Variants in ABLIM1 observed in about 807,000 individuals in gnomAD.
The protein encoded by ABLIM1 is actin binding LIM protein 1.
A neutral mutation model predicts 107.0 loss-of-function variants in ABLIM1; 40 were observed. The ratio of observed to expected loss-of-function variants is 0.37; its 90% CI spans 0.29 to 0.49. The LOEUF is 0.49. ABLIM1 is among the 20% of genes least tolerant of loss of function. ABLIM1 has a pLI of 0.97. For synonymous variants in ABLIM1, 357 were observed against 357.3 expected, an observed-to-expected ratio of 1.00 and a Z score of 0.01; for missense variants, 857 against 1,008.5, an observed-to-expected ratio of 0.85 and a Z score of 2.04.
chr10:114,529,939 A>C (rs1357281929), intron 6 of ABLIM1, among the ~76,000 whole-genome samples: 1 of 152,206 alleles, frequency 6.6e-6, no homozygotes, highest in African/African-American at 2.4e-5. Flanking sequence ...AGGCAGGAGA[A>C]TCCCTTGAAC....
Position 114,439,233 on chromosome 10 carries a change from G to C in ABLIM1, c.2085C>G (p.His695Gln), listed in dbSNP as rs1348541399. Residue 695 changes from histidine (H) to glutamine (Q), a missense_variant, in exon 21 of 23, where the codon CAC becomes CAG. Transcript: ENST00000533213. ...VRDYQTLPDG[H>Q]MPAMRMDRGV... The stretch of plus-strand genomic sequence containing the variant: ...CTCGGTCCATTCTCATTGCAGGCAT[G>C]TGGCCATCTGGGAGTGTCTGCAACA... The C allele has an allele frequency of 6.2e-7, 1 of 1,614,248 alleles. No individual in the cohort carries two copies. Among genetic ancestry groups the C allele is most frequent in the South Asian group, 1.1e-5 (1 of 91,086 alleles).
rs148624929 is a variant in ABLIM1, at chr10:114,445,340, C to T, written c.1799G>A (p.Arg600Gln). ...EEDDEELLRR[R>Q]QLQEEQLMKL... ...CATTAATTGCTCTTCTTGAAGCTGC[C>T]GACGTCTCAGAAGTTCCTCATCATC... The change falls in exon 16 of 23, where the codon CGG becomes CAG. Residue 600 changes from arginine (R) to glutamine (Q), a missense_variant. Arg to Gln is a conservative substitution (Grantham distance 43). Transcript: ENST00000533213. 13 of 1,613,960 alleles carry T rather than the reference C, an allele frequency of 8.1e-6. No individual in the cohort carries two copies. The South Asian group carries it at 8.8e-5, about 11-fold the overall frequency.
chr10:114,758,420 C>T (rs1190567401), intron 1 of ABLIM1, among the ~76,000 whole-genome samples: 1 of 152,172 alleles, frequency 6.6e-6, no homozygotes, highest in Non-Finnish European at 1.5e-5. Flanking sequence ...TCACTCAATG[C>T]TTAAGTGATT....
At chr10:114,658,376 T>A (rs1054642265), upstream of ABLIM1, 2 of 1,257,030 alleles carry the variant, frequency 1.6e-6, no homozygotes, top group Admixed American at 7.0e-5. Context: ...GGGCACCATA[T>A]TCTCAGTCAG....
At chr10:114,715,995 C>T (rs1591873351) in intron 1 of ABLIM1, among the ~76,000 whole-genome samples, 1 of 152,276 alleles carries the variant, frequency 6.6e-6, no homozygotes. Flanking sequence ...ACTAGGCCAT[C>T]GTAGGGATCC....
intron 12 of ABLIM1, among the ~76,000 whole-genome samples, chr10:114,456,163 G>C (rs965743250): frequency 2.0e-5 from 3 of 152,142 alleles, no homozygotes; most frequent in Admixed American, 2.0e-4. Context: ...CTTGAAGAAC[G>C]TCGTTTATTT....
At chr10:114,541,343 C>T (rs1426785748) in intron 6 of ABLIM1, among the ~76,000 whole-genome samples, 2 of 152,098 alleles carry the variant, frequency 1.3e-5, no homozygotes, top group Non-Finnish European at 2.9e-5. Flanking sequence ...AAAACTAATA[C>T]ATTTGTAAAG....
intron 17 of ABLIM1, among the ~76,000 whole-genome samples, chr10:114,443,687 A>AG (rs2060558381): frequency 6.6e-6 from 1 of 151,218 alleles, no homozygotes; most frequent in East Asian, 1.9e-4. Flanking sequence ...AAAAAAAAAA[A>AG]AAAAAAGAAG....
At chr10:114,639,480 T>C (rs1298055472) in intron 1 of ABLIM1, among the ~76,000 whole-genome samples, 1 of 152,202 alleles carries the variant, frequency 6.6e-6, no homozygotes, top group African/African-American at 2.4e-5. Context: ...GGCCGCCTGA[T>C]TAAACACAGG....
intron 6 of ABLIM1, among the ~76,000 whole-genome samples, chr10:114,495,147 T>C (rs1322842927): frequency 6.6e-6 from 1 of 152,128 alleles, no homozygotes; most frequent in Non-Finnish European, 1.5e-5. Flanking sequence ...CAGGAAGAAG[T>C]AAAGGAAGGG....
chr10:114,512,320 GA>G (rs1206843680), intron 6 of ABLIM1, among the ~76,000 whole-genome samples: 1 of 152,216 alleles, frequency 6.6e-6, no homozygotes, highest in Non-Finnish European at 1.5e-5. Flanking sequence ...TTCCTCTGGG[GA>G]CCAGTCTGCA....
At chr10:114,659,739 C>T (rs983062249), upstream of ABLIM1, among the ~76,000 whole-genome samples, 5 of 152,154 alleles carry the variant, frequency 3.3e-5, no homozygotes, top group Admixed American at 1.3e-4. Context: ...AGTGCCAGCA[C>T]TCAGGAAGCA....
Position 114,601,932 on chromosome 10 carries a change from A to G in ABLIM1, c.274T>C (p.Ser92Pro). Reference protein sequence around the residue: ...VAHPQDPHHPSEKPVIHCHKC... With the variant: ...VAHPQDPHHPPEKPVIHCHKC... Reference sequence around the variant, plus strand: ...TGGCAGTGAATGACAGGCTTCTCTGATGGGTGGTGAGGGTCCTGAGGGTGG... The same window carrying G: ...TGGCAGTGAATGACAGGCTTCTCTGGTGGGTGGTGAGGGTCCTGAGGGTGG... The change falls in exon 2 of 23, where the codon TCA becomes CCA. Residue 92 changes from serine to proline, a missense_variant. By Grantham distance (74) the Ser-to-Pro change is moderately conservative. This residue lies in a region of ABLIM1 where 176 missense variants were observed against 173.5 expected (regional missense o/e 1.01). Coordinates refer to ENST00000533213, the MANE Select transcript of ABLIM1 (RefSeq NM_002313.7). 1 of 1,614,146 alleles carries G rather than the reference A, an allele frequency of 6.2e-7. No individual in the cohort carries two copies. The highest frequency in any genetic ancestry group is 8.5e-7 in the Non-Finnish European group (1 of 1,180,020).
chr10:114,734,932 G>C (rs1266334582), intron 1 of ABLIM1, among the ~76,000 whole-genome samples: 4 of 152,170 alleles, frequency 2.6e-5, no homozygotes, highest in Non-Finnish European at 1.5e-5. Flanking sequence ...TTCTTGGCTG[G>C]AAGAGCTTTA....
chr10:114,601,959 C>T lies in ABLIM1; in HGVS notation c.247G>A (p.Ala83Thr). The T allele has an allele frequency of 6.2e-7, 1 of 1,613,704 alleles. No individual in the cohort carries two copies. Among genetic ancestry groups the T allele is most frequent in the Non-Finnish European group, 8.5e-7 (1 of 1,179,706 alleles). ...GGGTGGTGAGGGTCCTGAGGGTGGGCCACTGAAAGAAAATCAACAAAAGAT... is the reference window on the plus strand; with the variant it reads ...GGGTGGTGAGGGTCCTGAGGGTGGGTCACTGAAAGAAAATCAACAAAAGAT... Reference protein sequence around the residue: ...RVCNSVDPFVAHPQDPHHPSE... With the variant: ...RVCNSVDPFVTHPQDPHHPSE... The change falls in exon 2 of 23, where the codon GCC becomes ACC. Residue 83 changes from alanine (A) to threonine (T), a missense_variant and splice_region_variant. Physicochemically the swap from Ala to Thr is moderately conservative, Grantham distance 58 (BLOSUM62 0). Around this residue, in one of 5 missense-constraint regions of ABLIM1, gnomAD observed 176 missense variants for 173.5 expected, o/e 1.01. Transcript: ENST00000533213.
chr10:114,523,962 A>G (rs1252522497), intron 6 of ABLIM1, among the ~76,000 whole-genome samples: 2 of 152,210 alleles, frequency 1.3e-5, no homozygotes, highest in Non-Finnish European at 2.9e-5. Context: ...TAGAGAGCAC[A>G]TGGTGTGTGT....
At chr10:114,620,473 GAT>G (rs1367128767) in intron 1 of ABLIM1, among the ~76,000 whole-genome samples, 1 of 152,088 alleles carries the variant, frequency 6.6e-6, no homozygotes, top group Non-Finnish European at 1.5e-5. Flanking sequence ...GCAGTGGCGT[GAT>G]CTTGGCTCAC....
chr10:114,652,448 C>A (rs2079293713), intron 1 of ABLIM1, among the ~76,000 whole-genome samples: 1 of 152,158 alleles, frequency 6.6e-6, no homozygotes. Context: ...ACGTGATACC[C>A]TGAGTATCTG....
At chr10:114,672,919 T>A (rs1490815480) in intron 1 of ABLIM1, among the ~76,000 whole-genome samples, 1 of 152,176 alleles carries the variant, frequency 6.6e-6, no homozygotes, top group African/African-American at 2.4e-5. Flanking sequence ...GATGACCATA[T>A]GTGAGTGGTA....
Sources: gnomAD v4.1 joint callset for allele counts (sites outside exome capture counted in the v4.1 genomes callset) on GRCh38, gnomAD v4.1.1 for gene constraint, gnomAD v4.1.1 regional missense constraint, MANE v1.5 for transcripts, NCBI Gene and HGNC (gene_info 2026-07-23, HGNC 2026-07-21) for gene names.